Variants in YY1AP1 observed in about 807,000 individuals in gnomAD.
YY1AP1 encodes the protein YY1 associated protein 1.
In YY1AP1, 43 loss-of-function variants were observed where a neutral mutation model predicts 39.9. The ratio of observed to expected loss-of-function variants is 1.08; its 90% confidence interval spans 0.84 to 1.39. The LOEUF (loss-of-function observed/expected upper bound fraction) is 1.39, where lower values mean the gene tolerates loss of function less well. Ranked by LOEUF, YY1AP1 falls within the 40% of genes most tolerant of loss-of-function variation. YY1AP1 has a pLI of 0.00. For synonymous variants in YY1AP1, 292 were observed against 331.3 expected (o/e 0.88, Z 1.29); for missense variants, 813 against 900.7 (o/e 0.90, Z 1.25).
At chr1:155,683,619 G>A (rs1371703599) in intron 2 of YY1AP1, among the ~76,000 whole-genome samples, 1 of 152,002 alleles carries the variant, frequency 6.6e-6, no homozygotes, top group Non-Finnish European at 1.5e-5. Context: ...TCCTGCCACT[G>A]CATTCCAAAC....
At chr1:155,665,981 T>A (rs925567691) in intron 9 of YY1AP1, among the ~76,000 whole-genome samples, 1 of 151,874 alleles carries the variant, frequency 6.6e-6, no homozygotes, top group Non-Finnish European at 1.5e-5. Flanking sequence ...CAGGGAGCAA[T>A]TTCTTCAAGA....
intron 7 of YY1AP1, among the ~76,000 whole-genome samples, chr1:155,671,676 A>G (rs974351180): frequency 6.6e-6 from 1 of 152,088 alleles, no homozygotes; most frequent in African/African-American, 2.4e-5. Context: ...TACTATATCC[A>G]TATTTCTCCT....
At chr1:155,683,781 CAAAA>C (rs1485886689) in intron 2 of YY1AP1, among the ~76,000 whole-genome samples, 1 of 152,140 alleles carries the variant, frequency 6.6e-6, no homozygotes, top group African/African-American at 2.4e-5. Context: ...CCCACCAAGG[CAAAA>C]TTAACACAGT....
intron 9 of YY1AP1, among the ~76,000 whole-genome samples, chr1:155,667,607 T>A (rs1247504199): frequency 6.6e-6 from 1 of 152,092 alleles, no homozygotes; most frequent in East Asian, 1.9e-4. Flanking sequence ...ATGGATCACC[T>A]GAGGTCAGGA....
chr1:155,661,373 C>A lies in YY1AP1; in HGVS notation c.930G>T (p.Glu310Asp). 2 of 1,613,878 alleles carry A rather than the reference C, an allele frequency of 1.2e-6. No individual in the cohort carries two copies. Among genetic ancestry groups the A allele is most frequent in the Non-Finnish European group, 1.7e-6 (2 of 1,179,798 alleles). The change falls in exon 10 of 11, where the codon GAG becomes GAT. Residue 310 changes from glutamate to aspartate, a missense_variant. Physicochemically the swap from Glu to Asp is conservative, Grantham distance 45 (BLOSUM62 2). Coordinates refer to ENST00000355499, the MANE Select transcript of YY1AP1 (RefSeq NM_139119.3). ...QLPVLGKCCE[E>D]IQPHQWKPPI... ...GTGGCTTCCACTGATGTGGCTGGAT[C>A]TCTTCACAGCATTTTCCTAGGACTG...
intron 2 of YY1AP1, among the ~76,000 whole-genome samples, chr1:155,682,756 T>C (rs904724800): frequency 6.6e-6 from 1 of 152,138 alleles, no homozygotes; most frequent in Non-Finnish European, 1.5e-5. Flanking sequence ...GCACACAGTG[T>C]CTCTTCCTCA....
intron 6 of YY1AP1, among the ~76,000 whole-genome samples, chr1:155,673,932 T>C (rs895314876): frequency 1.3e-5 from 2 of 151,712 alleles, no homozygotes; most frequent in African/African-American, 4.8e-5. Context: ...GAGGCCGAGG[T>C]GGGCGGATCA....
chr1:155,688,662 C>G lies in YY1AP1; in HGVS notation c.-155G>C. 6.5e-7 allele frequency: 1 copy of G among 1,533,482 alleles called. No individual in the cohort carries two copies. Among genetic ancestry groups the G allele is most frequent in the Non-Finnish European group, 8.7e-7 (1 of 1,146,242 alleles). 95.0% of individuals were successfully genotyped at this position (1,533,482 alleles called of 1,614,324 possible). ...CAGCGCAGGCCCTCACGCGTACCTT[C>G]AGCGGCGCGAGCCCAAGCCTTCTCC... On this transcript the variant is annotated 5_prime_UTR_variant, in exon 1 of 11. Coordinates refer to ENST00000355499, the MANE Select transcript of YY1AP1 (RefSeq NM_139119.3).
chr1:155,661,682 G>A (rs1648175197), intron 9 of YY1AP1, among the ~76,000 whole-genome samples: 1 of 152,198 alleles, frequency 6.6e-6, no homozygotes, highest in Admixed American at 6.5e-5. Flanking sequence ...TTGAGACGGA[G>A]TCTTGCTCTG....
chr1:155,684,247 TCAAAAA>T (rs974246662), intron 2 of YY1AP1, among the ~76,000 whole-genome samples: 26 of 151,992 alleles, frequency 1.7e-4, no homozygotes, highest in South Asian at 2.1e-4. Flanking sequence ...AAACTCTCTC[TCAAAAA>T]CAAAAACAAA....
intron 2 of YY1AP1, among the ~76,000 whole-genome samples, chr1:155,687,791 AAC>A (rs1652701202): frequency 6.7e-6 from 1 of 148,272 alleles, no homozygotes; most frequent in African/African-American, 2.6e-5. Flanking sequence ...CATGCCTACA[AAC>A]ACAAACTAAC....
At chr1:155,665,667 C>A (rs905204735) in intron 9 of YY1AP1, among the ~76,000 whole-genome samples, 1 of 151,122 alleles carries the variant, frequency 6.6e-6, no homozygotes, top group Admixed American at 6.6e-5. Flanking sequence ...AATCCCCGCA[C>A]TCTGGGAGGC....
At chr1:155,667,863 T>C (rs989819912) in intron 9 of YY1AP1, among the ~76,000 whole-genome samples, 1 of 151,830 alleles carries the variant, frequency 6.6e-6, no homozygotes, top group African/African-American at 2.4e-5. Flanking sequence ...AGAAAAAGTA[T>C]ATAGGCTGGG....
In YY1AP1 at chr1:155,688,218, AGAG is replaced by A. The variant is rs752215310; in HGVS notation, c.-151-20_-151-18del. 55 of 1,613,656 alleles carry A rather than the reference AGAG, an allele frequency of 3.4e-5. 1 individual carries two copies. The South Asian group carries it at 5.4e-4, about 16-fold the overall frequency. Reference sequence around the variant, plus strand: ...GTAAGCCGACTGGCGGAAATGCGAGAGAGGAGAAGGGAAAGGTGGAGGGCTAAA... The same window carrying A: ...GTAAGCCGACTGGCGGAAATGCGAGAGAGAAGGGAAAGGTGGAGGGCTAAA... On this transcript the variant is annotated intron_variant, in intron 1 of 10. Coordinates refer to ENST00000355499, the MANE Select transcript of YY1AP1 (RefSeq NM_139119.3).
chr1:155,660,658 G>A lies in YY1AP1; in HGVS notation c.1252C>T (p.Gln418Ter). The A allele has an allele frequency of 6.2e-7, 1 of 1,614,154 alleles. No homozygotes were observed. The highest frequency in any genetic ancestry group is 8.5e-7 in the Non-Finnish European group (1 of 1,180,018). Residue 418 changes from glutamine (Q) to a stop codon, truncating the protein, a stop_gained, in exon 11 of 11, where the codon CAA (glutamine) becomes TAA (stop). Coordinates refer to ENST00000355499, the MANE Select transcript of YY1AP1 (RefSeq NM_139119.3). LOFTEE classifies it low-confidence loss of function (END_TRUNC). ...CTGGGCTGGAGAGAGGGGCTGGGTT[G>A]GATAAGGAGGGGTTTCAGGACTGAT... ...RSSVLKPLLI[Q>*]PSPSLQPSFN...
intron 8 of YY1AP1, 125 bp from the exon 9 acceptor site, chr1:155,668,902 C>T: frequency 7.0e-7 from 1 of 1,432,394 alleles, no homozygotes; most frequent in Non-Finnish European, 9.6e-7. Flanking sequence ...CTCACTCTGT[C>T]ACCTGGGCTG....
chr1:155,659,778 G>T lies in YY1AP1; in HGVS notation c.2132C>A (p.Ala711Asp). The T allele has an allele frequency of 6.2e-7, 1 of 1,614,238 alleles. No individual in the cohort carries two copies. Among genetic ancestry groups the T allele is most frequent in the Non-Finnish European group, 8.5e-7 (1 of 1,180,054 alleles). Reference sequence around the variant, plus strand: ...GATGCCCTGAGGGAGCGGCTCCAGAGCTTGCCTTCCCTCCTCTGTTTTCAC... The same window carrying T: ...GATGCCCTGAGGGAGCGGCTCCAGATCTTGCCTTCCCTCCTCTGTTTTCAC... ...TVVKTEEGRQ[A>D]LEPLPQGIQE... The change falls in exon 11 of 11, where the codon GCT (alanine) becomes GAT (aspartate). Residue 711 changes from alanine (A) to aspartate (D), a missense_variant. Ala to Asp is a moderately radical substitution (Grantham distance 126). Transcript: ENST00000355499.
intron 4 of YY1AP1, among the ~76,000 whole-genome samples, chr1:155,678,839 T>C (rs1163661005): frequency 6.6e-6 from 1 of 152,194 alleles, no homozygotes; most frequent in African/African-American, 2.4e-5. Context: ...CTAATGATTA[T>C]ATGCTGCTAC....
intron 8 of YY1AP1, among the ~76,000 whole-genome samples, chr1:155,669,942 T>C (rs551681815): frequency 2.8e-4 from 42 of 152,256 alleles, no homozygotes; most frequent in African/African-American, 1.0e-3. Context: ...GGAGGATCAC[T>C]TGATCCCAGG....
Sources: gnomAD v4.1 joint callset for allele counts (sites outside exome capture counted in the v4.1 genomes callset) on GRCh38, gnomAD v4.1.1 for gene constraint, MANE v1.5 for transcripts, NCBI Gene and HGNC (gene_info 2026-07-23, HGNC 2026-07-21) for gene names.